MOBP: variants seen among roughly 807,000 people sequenced by gnomAD.
MOBP encodes the protein myelin-associated oligodendrocyte basic protein.
MOBP carries 5 observed loss-of-function variants against 15.0 expected under a neutral mutation model. The ratio of observed to expected loss-of-function variants is 0.33; its 90% CI spans 0.17 to 0.70. The LOEUF is 0.70. Ranked by LOEUF, MOBP falls within the 30% of genes least tolerant of loss-of-function variation. MOBP has a pLI of 0.67. For missense variants in MOBP, 188 were observed against 257.8 expected, an observed-to-expected ratio of 0.73 and a Z score of 1.85; for synonymous variants, 88 against 99.0, an observed-to-expected ratio of 0.89 and a Z score of 0.66.
At position 39,502,451 on chromosome 3, in the gene MOBP, A is replaced by G; in HGVS notation, c.207-84A>G. 6.5e-7 allele frequency: 1 copy of G among 1,530,318 alleles called. No individual in the cohort carries two copies. The highest frequency in any genetic ancestry group is 8.7e-7 in the Non-Finnish European group (1 of 1,144,262). The allele number at this position is 1,530,318 out of a possible 1,614,324, so 94.8% of individuals were successfully genotyped here. A position where few individuals can be genotyped will look rare whatever the true frequency, so the allele number is the denominator to read the frequency against. On this transcript the variant is annotated intron_variant, in intron 3 of 3. Transcript: ENST00000684792. This position sits in a 1 kb window ranked among gnomAD's most constrained non-coding sequence, Gnocchi z 6.3. ...GTGGGTGGGGGAGCAGGGCCTTCCT[A>G]CCTGTTTCCAGCTCCTGCCAGCGTC...
intron 2 of MOBP, among the ~76,000 whole-genome samples, chr3:39,496,735 C>T (rs749856415): frequency 7.9e-5 from 12 of 151,828 alleles, no homozygotes; most frequent in Non-Finnish European, 1.8e-4. Flanking sequence ...GCAATCTCGG[C>T]TCACCACAAC....
intron 1 of MOBP, among the ~76,000 whole-genome samples, chr3:39,476,767 GA>G (rs1184048836): frequency 6.6e-6 from 1 of 151,576 alleles, no homozygotes; most frequent in African/African-American, 2.4e-5. Context: ...TATTTTGTTT[GA>G]TTTTTTAAAA....
At chr3:39,505,239 G>C (rs886083861), downstream of MOBP, among the ~76,000 whole-genome samples, 2 of 152,202 alleles carry the variant, frequency 1.3e-5, no homozygotes, top group Admixed American at 6.5e-5. Context: ...AAACCACCAT[G>C]GCTGTGGGTG....
intron 2 of MOBP, among the ~76,000 whole-genome samples, chr3:39,497,277 G>T (rs923126974): frequency 7.2e-5 from 11 of 152,318 alleles, no homozygotes; most frequent in African/African-American, 2.6e-4. Flanking sequence ...CGCTGGCAGA[G>T]AAGTCCTGGT....
chr3:39,495,633 G>A (rs2042867432), intron 2 of MOBP, among the ~76,000 whole-genome samples: 1 of 151,080 alleles, frequency 6.6e-6, no homozygotes, highest in South Asian at 2.1e-4. Context: ...CGCACCTGTA[G>A]TCCCAGCTAC....
chr3:39,502,207 C>T lies in MOBP; in HGVS notation c.138C>T (p.Ile46=), dbSNP rs751277212. 4.3e-6 allele frequency: 7 copies of T among 1,614,236 alleles called. No individual in the cohort carries two copies. The highest frequency in any genetic ancestry group is 2.2e-5 in the South Asian group (2 of 91,088). ...AGATAGTGGATCGGAAATACAGCATCTGTAAGAGCGGCTGCTTCTACCAGA... is the reference window on the plus strand; with the variant it reads ...AGATAGTGGATCGGAAATACAGCATTTGTAAGAGCGGCTGCTTCTACCAGA... ...KKEIVDRKYS[I]CKSGCFYQKK... Residue 46 remains isoleucine (I), a synonymous_variant, in exon 3 of 4, where the codon ATC becomes ATT. Coordinates refer to ENST00000684792, the MANE Select transcript of MOBP (RefSeq NM_001393704.1). The surrounding 1 kb of genome is among the most constrained non-coding windows in gnomAD (Gnocchi z 6.3).
At chr3:39,487,307 G>A (rs1446902339) in intron 2 of MOBP, among the ~76,000 whole-genome samples, 1 of 151,968 alleles carries the variant, frequency 6.6e-6, no homozygotes, top group Non-Finnish European at 1.5e-5. Context: ...ATTATTTGTT[G>A]AAGAATCTAT....
chr3:39,513,468 C>T, exon 5 of MOBP: 1 of 1,574,302 alleles, frequency 6.4e-7, no homozygotes. Flanking sequence ...CTCCTGGACT[C>T]ATTGCTTCAC....
At chr3:39,508,712 G>C (rs570897523) in intron 4 of MOBP, among the ~76,000 whole-genome samples, 2 of 152,164 alleles carry the variant, frequency 1.3e-5, no homozygotes, top group East Asian at 3.9e-4. Context: ...ACCATGCCTG[G>C]CTAATTTTTG....
At chr3:39,476,164 C>T (rs554520711) in intron 1 of MOBP, among the ~76,000 whole-genome samples, 88 of 135,886 alleles carry the variant, frequency 6.5e-4, no homozygotes, top group Middle Eastern at 3.7e-3. Context: ...TTTTAAGCAA[C>T]CAGATATCAT....
exon 5 of MOBP, chr3:39,513,513 C>A: frequency 7.5e-7 from 1 of 1,325,952 alleles, no homozygotes; most frequent in East Asian, 2.4e-5. Context: ...TATCTGGCTT[C>A]AAATATTATG....
chr3:39,519,332 T>A (rs188999922), downstream of MOBP, among the ~76,000 whole-genome samples: 2 of 152,312 alleles, frequency 1.3e-5, no homozygotes, highest in Admixed American at 1.3e-4. Flanking sequence ...AGTTTTCTGC[T>A]CATGGAGATC....
chr3:39,491,401 A>G (rs1479769629), intron 2 of MOBP, among the ~76,000 whole-genome samples: 6 of 152,248 alleles, frequency 3.9e-5, no homozygotes, highest in Non-Finnish European at 7.3e-5. Context: ...AGGGTTAAAT[A>G]GATGAATAAA....
At chr3:39,525,487 C>A (rs995530880), downstream of MOBP, 1 of 152,188 alleles carries the variant, frequency 6.6e-6, no homozygotes, top group Admixed American at 6.6e-5. Flanking sequence ...GAGGGGAAGT[C>A]AGATTAGAGG....
At chr3:39,523,172 A>ACAAT (rs1220986357) in intron 3 of MOBP, among the ~76,000 whole-genome samples, 1 of 152,230 alleles carries the variant, frequency 6.6e-6, no homozygotes, top group Non-Finnish European at 1.5e-5. Flanking sequence ...CTTTCACAAA[A>ACAAT]CAATCAACTA....
rs116462011 is a variant in MOBP, at chr3:39,489,776, C to T, written c.-5+9653C>T. ...AGAGGGAGCTATAAGTTCCTTCGAGCCGACTGCCACATTGACGGTTAACTG... is the reference window on the plus strand; with the variant it reads ...AGAGGGAGCTATAAGTTCCTTCGAGTCGACTGCCACATTGACGGTTAACTG... On this transcript the variant is annotated intron_variant, in intron 2 of 3. Coordinates refer to ENST00000684792, the MANE Select transcript of MOBP (RefSeq NM_001393704.1). Among the ~76,000 whole-genome samples the T allele has an allele frequency of 1.4e-3, 207 of 152,230 alleles. 1 individual carries two copies. The highest frequency in any genetic ancestry group is 4.8e-3 in the African/African-American group (199 of 41,534).
chr3:39,502,957 C>T lies in MOBP; in HGVS notation c.*77C>T. The T allele has an allele frequency of 1.4e-6, 1 of 690,534 alleles. No homozygotes were observed. Among genetic ancestry groups the T allele is most frequent in the Non-Finnish European group, 2.4e-6 (1 of 418,456 alleles). The allele number at this position is 690,534 out of a possible 1,614,324, so 42.8% of individuals were successfully genotyped here. On this transcript the variant is annotated 3_prime_UTR_variant, in exon 4 of 4. Transcript: ENST00000684792. The surrounding 1 kb of genome is among the most constrained non-coding windows in gnomAD (Gnocchi z 6.3). ...GTGTTTACTAACACCGGGCTGTCTC[C>T]ATGGCCCTCTTCAGCCTTATTACCC... is the stretch of plus-strand genomic sequence containing the variant.
At chr3:39,496,978 CT>C (rs1452518417) in intron 2 of MOBP, among the ~76,000 whole-genome samples, 3 of 151,844 alleles carry the variant, frequency 2.0e-5, no homozygotes, top group Non-Finnish European at 4.4e-5. Flanking sequence ...AATTTTTATA[CT>C]TTTAGTAGAG....
In MOBP at chr3:39,476,716, T is replaced by G. The variant is rs926894438; in HGVS notation, c.-88-3324T>G. On this transcript the variant is annotated intron_variant, in intron 1 of 3. Coordinates refer to ENST00000684792, the MANE Select transcript of MOBP (RefSeq NM_001393704.1). ...AGTTTCATTATTCACAGCCTGCATT[T>G]CATCTTGGATTCCCTCTGCTTCCCC... 2.0e-5 allele frequency among the ~76,000 whole-genome samples: 3 copies of G among 152,320 alleles called. No homozygotes were observed. The South Asian group carries it at 6.2e-4, about 32-fold the overall frequency.
Sources: allele counts gnomAD v4.1 joint callset (sites outside exome capture counted in the v4.1 genomes callset), GRCh38; gene constraint gnomAD v4.1.1; non-coding constraint Gnocchi (gnomAD v3.1); transcripts MANE v1.5; gene names NCBI Gene and HGNC (gene_info 2026-07-23, HGNC 2026-07-21).